Variants in NUP133 observed in about 807,000 individuals in gnomAD.
NUP133 encodes the protein nuclear pore complex protein Nup133.
In NUP133, 66 loss-of-function variants were observed where a neutral mutation model predicts 146.2. That is an observed-to-expected ratio of 0.45 (90% confidence interval 0.37 to 0.55). The LOEUF (loss-of-function observed/expected upper bound fraction) is 0.55. NUP133 is among the 20% of genes least tolerant of loss of function. The pLI is 0.00. For missense variants in NUP133, 1,277 were observed against 1,374.8 expected, an observed-to-expected ratio of 0.93 and a Z score of 1.12; for synonymous variants, 521 against 498.8, an observed-to-expected ratio of 1.04 and a Z score of -0.59.
At chr1:229,473,493 T>G (rs188129558) in intron 14 of NUP133, among the ~76,000 whole-genome samples, 1 of 151,850 alleles carries the variant, frequency 6.6e-6, no homozygotes, top group Non-Finnish European at 1.5e-5. Context: ...GAGACAAGAG[T>G]GCTCATGCTC....
intron 14 of NUP133, among the ~76,000 whole-genome samples, chr1:229,472,709 T>C (rs976120852): frequency 7.3e-6 from 1 of 137,320 alleles, no homozygotes; most frequent in Non-Finnish European, 1.6e-5. Flanking sequence ...TAAATATACA[T>C]ATATATATAT....
At position 229,475,833 on chromosome 1, in the gene NUP133, G is replaced by A. The variant is rs1004851773; in HGVS notation, c.1757-101C>T. 6.4e-6 allele frequency: 6 copies of A among 939,864 alleles called. No homozygotes were observed. The African/African-American group carries it at 8.2e-5, about 13-fold the overall frequency. The allele number at this position is 939,864 out of a possible 1,614,324, so 58.2% of individuals were successfully genotyped here. On this transcript the variant is annotated intron_variant, in intron 13 of 25. Transcript: ENST00000261396. ...CTATTAAAATAAAAAGCTAAGGCTA[G>A]GCACGGTGGCTCACACCTGTAATCC...
chr1:229,442,526 T>C (rs534666057), intron 25 of NUP133, among the ~76,000 whole-genome samples: 6 of 152,296 alleles, frequency 3.9e-5, no homozygotes, highest in South Asian at 2.1e-4. Flanking sequence ...AATGGATTGT[T>C]TGACATCTGT....
intron 21 of NUP133, among the ~76,000 whole-genome samples, chr1:229,455,302 T>C (rs1392647918): frequency 6.6e-6 from 1 of 152,200 alleles, no homozygotes; most frequent in Non-Finnish European, 1.5e-5. Context: ...CTCATGTCTA[T>C]AATCCCAGCA....
At chr1:229,471,198 C>T (rs1660947938) in intron 14 of NUP133, among the ~76,000 whole-genome samples, 2 of 152,162 alleles carry the variant, frequency 1.3e-5, no homozygotes, top group South Asian at 4.1e-4. Flanking sequence ...CACAGGTCAC[C>T]CTAACCTTAA....
chr1:229,460,553 T>C (rs1660670324), intron 20 of NUP133, 58 bp downstream of exon 20: 3 of 1,526,490 alleles, frequency 2.0e-6, no homozygotes, highest in Non-Finnish European at 2.7e-6. Context: ...AAAACAAAAC[T>C]AATTAAAACT....
intron 2 of NUP133, among the ~76,000 whole-genome samples, 200 bp from the exon 3 acceptor site, chr1:229,502,302 G>A (rs1661821003): frequency 6.6e-6 from 1 of 152,112 alleles, no homozygotes; most frequent in Non-Finnish European, 1.5e-5. Context: ...TCTAACGCCT[G>A]TAATCCCAGC....
intron 25 of NUP133, among the ~76,000 whole-genome samples, chr1:229,443,726 T>C (rs1660236075): frequency 1.1e-5 from 1 of 87,438 alleles, no homozygotes; most frequent in African/African-American, 6.0e-5. Context: ...ATATATAATT[T>C]TTTTTTTTTT....
chr1:229,463,407 G>C (rs753635354), intron 19 of NUP133, 136 bp downstream of exon 19: 68 of 988,198 alleles, frequency 6.9e-5, no homozygotes, highest in Middle Eastern at 3.1e-4. Flanking sequence ...ATACAAATTA[G>C]TATCTTCTCA....
At chr1:229,456,176 C>T (rs192975986) in intron 21 of NUP133, among the ~76,000 whole-genome samples, 161 of 152,294 alleles carry the variant, frequency 1.1e-3, no homozygotes, top group African/African-American at 3.7e-3. Context: ...AGGAGTGGTA[C>T]ACAATGTGGT....
At chr1:229,504,298 G>A (rs1365970109) in intron 2 of NUP133, among the ~76,000 whole-genome samples, 1 of 151,896 alleles carries the variant, frequency 6.6e-6, no homozygotes, top group African/African-American at 2.4e-5. Context: ...TTTAAATGCT[G>A]GTCAAGAACC....
chr1:229,458,320 C>T lies in NUP133; in HGVS notation c.2845-24G>A, dbSNP rs751926864. The T allele has an allele frequency of 5.7e-5, 92 of 1,605,502 alleles. 1 individual carries two copies. Among genetic ancestry groups the T allele is most frequent in the Admixed American group, 3.6e-4 (21 of 58,994 alleles). ...GCCTACAATAAAATATGCAAACCAT[C>T]GTAAGATACTGAGTACCAATTCAAG... is the stretch of plus-strand genomic sequence containing the variant. On this transcript the variant is annotated intron_variant, in intron 20 of 25. Coordinates refer to ENST00000261396, the MANE Select transcript of NUP133 (RefSeq NM_018230.3).
At position 229,463,531 on chromosome 1, in the gene NUP133, A is replaced by C; in HGVS notation, c.2685+12T>G. The C allele has an allele frequency of 1.9e-6, 3 of 1,612,100 alleles. No individual in the cohort carries two copies. Among genetic ancestry groups the C allele is most frequent in the Non-Finnish European group, 2.5e-6 (3 of 1,179,430 alleles). On this transcript the variant is annotated intron_variant, in intron 19 of 25. Coordinates refer to ENST00000261396, the MANE Select transcript of NUP133 (RefSeq NM_018230.3). ...TAAAGGACTCAGTGGCCACACACCC[A>C]ACACTCATCACCTGATCAGCAAACT...
chr1:229,487,557 G>C lies in NUP133; in HGVS notation c.1251C>G (p.Ala417=), dbSNP rs536203160. The change falls in exon 10 of 26, where the codon GCC becomes GCG. Residue 417 remains alanine (A), a synonymous_variant. Transcript: ENST00000261396. ...AGACAGCACTTTCGTTATACAGATA[G>C]GCAGTCTGGTTTGAAAAGTTTGGGA... ...LTVPNFSNQT[A]YLYNESAVYV... 2.2e-5 allele frequency: 35 copies of C among 1,613,430 alleles called. No individual in the cohort carries two copies. The East Asian group carries it at 5.6e-4, about 26-fold the overall frequency.
chr1:229,451,305 A>G (rs982572120), intron 22 of NUP133, among the ~76,000 whole-genome samples: 1 of 152,022 alleles, frequency 6.6e-6, no homozygotes, highest in African/African-American at 2.4e-5. Context: ...AGGCTGAGGT[A>G]GGAGGGTCAC....
intron 22 of NUP133, 52 bp from the exon 23 acceptor site, chr1:229,450,657 T>C (rs781354572): frequency 1.2e-6 from 1 of 854,576 alleles, no homozygotes; most frequent in Non-Finnish European, 1.9e-6. Context: ...TAACTAATAC[T>C]AGAGACATTT....
chr1:229,487,438 A>G (rs772187750), intron 10 of NUP133, 28 bp downstream of exon 10: 5 of 1,601,590 alleles, frequency 3.1e-6, no homozygotes, highest in Non-Finnish European at 4.2e-6. Flanking sequence ...GAGCTCACCA[A>G]TCATGCTTTC....
intron 24 of NUP133, 31 bp downstream of exon 24, chr1:229,449,095 T>C (rs747785333): frequency 1.3e-6 from 2 of 1,559,406 alleles, no homozygotes; most frequent in Admixed American, 1.7e-5. Flanking sequence ...GTTTCTATAC[T>C]TTCCAAAGAA....
In NUP133 at chr1:229,477,846, T is replaced by C. The variant is rs540099679; in HGVS notation, c.1593-86A>G. The C allele has an allele frequency of 9.6e-5, 96 of 996,466 alleles. No homozygotes were observed. In the African/African-American group the frequency reaches 1.4e-3, roughly 15 times the overall value. The allele number at this position is 996,466 out of a possible 1,614,324, so 61.7% of individuals were successfully genotyped here. On this transcript the variant is annotated intron_variant, in intron 12 of 25. Transcript: ENST00000261396. ...AGAAAAAATTAATTATGGACTACTA[T>C]TCAGCCAAAAAAAAGAATGCGATCC... is the stretch of plus-strand genomic sequence containing the variant.
Sources: gnomAD v4.1 joint callset for allele counts (sites outside exome capture counted in the v4.1 genomes callset) on GRCh38, gnomAD v4.1.1 for gene constraint, MANE v1.5 for transcripts, NCBI Gene and HGNC (gene_info 2026-07-23, HGNC 2026-07-21) for gene names.